Variants in E2F3 observed in about 807,000 individuals in gnomAD.
The protein encoded by E2F3 is E2F transcription factor 3.
A neutral mutation model predicts 44.4 loss-of-function variants in E2F3; 11 were observed. That is an observed-to-expected ratio of 0.25 (90% CI 0.16 to 0.41). The LOEUF is 0.41. Among genes scored for constraint, E2F3 ranks in the 10% least tolerant of loss-of-function variants. The probability of loss-of-function intolerance (pLI) is 1.00; values close to 1 mark genes in which losing one functional copy is unlikely to be tolerated. For synonymous variants in E2F3, 249 were observed against 253.0 expected (o/e 0.98, Z 0.15); for missense variants, 487 against 583.6 (o/e 0.83, Z 1.70).
At chr6:20,405,791 C>G (rs994123637) in intron 1 of E2F3, among the ~76,000 whole-genome samples, 1 of 152,028 alleles carries the variant, frequency 6.6e-6, no homozygotes, top group Non-Finnish European at 1.5e-5. Context: ...CCACTGCACT[C>G]TAGCCTGGCG....
intron 1 of E2F3, among the ~76,000 whole-genome samples, chr6:20,471,305 G>A (rs369786351): frequency 5.3e-5 from 8 of 152,092 alleles, no homozygotes; most frequent in African/African-American, 9.7e-5. Context: ...CATATAGGCC[G>A]GGCACGGTGG....
chr6:20,445,580 G>A (rs1468828006), intron 1 of E2F3, among the ~76,000 whole-genome samples: 1 of 152,092 alleles, frequency 6.6e-6, no homozygotes, highest in Non-Finnish European at 1.5e-5. Context: ...ATAAAACAGT[G>A]GTACATCTTG....
intron 2 of E2F3, 37 bp downstream of exon 2, chr6:20,479,994 G>A: frequency 3.8e-6 from 6 of 1,563,370 alleles, no homozygotes; most frequent in Non-Finnish European, 5.2e-6. Flanking sequence ...ATTCTCCTTG[G>A]TATGGCATTT....
At chr6:20,463,130 C>T (rs996231276) in intron 1 of E2F3, among the ~76,000 whole-genome samples, 3 of 151,942 alleles carry the variant, frequency 2.0e-5, no homozygotes, top group Admixed American at 6.6e-5. Flanking sequence ...CTGTTGCCCA[C>T]GCTGTTCTTG....
At chr6:20,456,871 T>C (rs1442002990) in intron 1 of E2F3, among the ~76,000 whole-genome samples, 2 of 152,220 alleles carry the variant, frequency 1.3e-5, no homozygotes, top group East Asian at 3.8e-4. Context: ...GTTATAAGAA[T>C]CCCTAGATGA....
At chr6:20,452,043 T>C (rs1389223405) in intron 1 of E2F3, among the ~76,000 whole-genome samples, 1 of 152,200 alleles carries the variant, frequency 6.6e-6, no homozygotes, top group Non-Finnish European at 1.5e-5. Context: ...CAGGTTTCGG[T>C]ATAAGGAGGA....
intron 1 of E2F3, among the ~76,000 whole-genome samples, chr6:20,434,785 T>A (rs1166598802): frequency 1.3e-5 from 2 of 152,180 alleles, no homozygotes; most frequent in African/African-American, 2.4e-5. Flanking sequence ...CCTGTGGTCA[T>A]CCTTGGTATG....
intron 1 of E2F3, among the ~76,000 whole-genome samples, chr6:20,429,824 C>T (rs1489554583): frequency 6.6e-6 from 1 of 151,764 alleles, no homozygotes; most frequent in Non-Finnish European, 1.5e-5. Flanking sequence ...TTTAATTGCT[C>T]TTTTTTATGC....
At chr6:20,436,006 A>G (rs1449158674) in intron 1 of E2F3, among the ~76,000 whole-genome samples, 25 of 143,118 alleles carry the variant, frequency 1.7e-4, no homozygotes, top group African/African-American at 6.9e-4. Context: ...TCCAAGACAG[A>G]GTCTCTCTCT....
rs1453854811 is a variant in E2F3 at position 20,490,171 on chromosome 6, T to G, written c.1139T>G (p.Leu380Trp). ...TCCATCAATGTTTTCTTTTCAGACT[T>G]GGCTTCAACCAACTCAGGACATAGC... The part of the protein sequence containing the change: ...GNIPKPASKD[L>W]ASTNSGHSDC... Residue 380 changes from leucine to tryptophan, a missense_variant, in exon 7 of 7, where the codon TTG becomes TGG. By Grantham distance (61) the Leu-to-Trp change is moderately conservative. Transcript: ENST00000346618. This position sits in a 1 kb window ranked among gnomAD's most constrained non-coding sequence, Gnocchi z 4.3. 6.4e-7 allele frequency: 1 copy of G among 1,561,758 alleles called. No homozygotes were observed. Among genetic ancestry groups the G allele is most frequent in the Non-Finnish European group, 8.7e-7 (1 of 1,155,878 alleles).
At chr6:20,471,764 A>G (rs1363003710) in intron 1 of E2F3, among the ~76,000 whole-genome samples, 1 of 152,146 alleles carries the variant, frequency 6.6e-6, no homozygotes, top group Non-Finnish European at 1.5e-5. Context: ...TTTTCAAATA[A>G]GATTAAAAAT....
chr6:20,456,390 A>T (rs1761310924), intron 1 of E2F3, among the ~76,000 whole-genome samples: 1 of 152,150 alleles, frequency 6.6e-6, no homozygotes, highest in Non-Finnish European at 1.5e-5. Flanking sequence ...ACTCATTTTA[A>T]TGTATCTGTT....
At position 20,488,164 on chromosome 6, in the gene E2F3, T is replaced by C. The variant is rs764095072; in HGVS notation, c.1051T>C (p.Cys351Arg). The change falls in exon 6 of 7, where the codon TGT becomes CGT. Residue 351 changes from cysteine (C) to arginine (R), a missense_variant. Transcript: ENST00000346618. Reference protein sequence around the residue: ...STQGPIEVYLCPEETETHSPM... With the variant: ...STQGPIEVYLRPEETETHSPM... ...CCAAGGGCCCATTGAGGTTTACTTATGTCCAGAAGAGACTGAAACACACAG... is the reference window on the plus strand; with the variant it reads ...CCAAGGGCCCATTGAGGTTTACTTACGTCCAGAAGAGACTGAAACACACAG... 1 of 1,614,176 alleles carries C rather than the reference T, an allele frequency of 6.2e-7. No homozygotes were observed. The highest frequency in any genetic ancestry group is 1.1e-5 in the South Asian group (1 of 91,078).
At chr6:20,428,602 A>T (rs1760295167) in intron 1 of E2F3, among the ~76,000 whole-genome samples, 2 of 152,166 alleles carry the variant, frequency 1.3e-5, no homozygotes. Flanking sequence ...CTGAATGAGA[A>T]CCAATGTTGG....
In E2F3 at chr6:20,477,448, G is replaced by A. The variant is rs78094148; in HGVS notation, c.394-2398G>A. Among the ~76,000 whole-genome samples the A allele has an allele frequency of 2.7e-3, 410 of 152,270 alleles. 3 individuals carry two copies. The highest frequency in any genetic ancestry group is 6.8e-3 in the Middle Eastern group (2 of 294). On this transcript the variant is annotated intron_variant, in intron 1 of 6. Coordinates refer to ENST00000346618, the MANE Select transcript of E2F3 (RefSeq NM_001949.5). Reference sequence around the variant, plus strand: ...TAGATTTCCCTCATCAGCCAAGCAGGACTAGAGGTGAGGGTGTGTGAAATA... The same window carrying A: ...TAGATTTCCCTCATCAGCCAAGCAGAACTAGAGGTGAGGGTGTGTGAAATA...
Position 20,476,739 on chromosome 6 carries a change from C to A in E2F3, c.394-3107C>A, listed in dbSNP as rs186878701. On this transcript the variant is annotated intron_variant, in intron 1 of 6. Transcript: ENST00000346618. ...CAATGATTAGCCAGGCCTGGATCAC[C>A]TGTGTGCACAGATGCGCTTAGACCA... is the stretch of plus-strand genomic sequence containing the variant. 1.2e-3 allele frequency among the ~76,000 whole-genome samples: 187 copies of A among 152,358 alleles called. 1 individual carries two copies. The highest frequency in any genetic ancestry group is 4.2e-3 in the Admixed American group (65 of 15,308).
intron 1 of E2F3, among the ~76,000 whole-genome samples, chr6:20,463,687 C>T (rs1051905247): frequency 2.0e-5 from 3 of 152,162 alleles, no homozygotes; most frequent in African/African-American, 7.2e-5. Context: ...CTTCTGACAC[C>T]AGATGTGCTG....
Position 20,492,160 on chromosome 6 carries a change from A to T in E2F3, c.*1730A>T, listed in dbSNP as rs549503893. 19 of 225,098 alleles carry T rather than the reference A, an allele frequency of 8.4e-5. No individual in the cohort carries two copies. The highest frequency in any genetic ancestry group is 1.7e-4 in the Admixed American group (3 of 17,490). 13.9% of individuals were successfully genotyped at this position (225,098 alleles called of 1,614,324 possible). On this transcript the variant is annotated 3_prime_UTR_variant, in exon 7 of 7. Coordinates refer to ENST00000346618, the MANE Select transcript of E2F3 (RefSeq NM_001949.5). ...AAAATATCCCTTAGGAAAAAAAAAAAACACACAAAAAACCACAAGAGCCCC... is the reference window on the plus strand; with the variant it reads ...AAAATATCCCTTAGGAAAAAAAAAATACACACAAAAAACCACAAGAGCCCC...
intron 1 of E2F3, among the ~76,000 whole-genome samples, chr6:20,467,174 G>A (rs946168578): frequency 2.0e-5 from 3 of 152,120 alleles, no homozygotes; most frequent in Non-Finnish European, 4.4e-5. Context: ...ACTATCTCTC[G>A]ATTTTGTGGC....
Sources: allele counts gnomAD v4.1 joint callset (sites outside exome capture counted in the v4.1 genomes callset), GRCh38; gene constraint gnomAD v4.1.1; non-coding constraint Gnocchi (gnomAD v3.1); transcripts MANE v1.5; gene names NCBI Gene and HGNC (gene_info 2026-07-23, HGNC 2026-07-21).